The following FLT3LG variants were observed in gnomAD, a reference collection of about 807,000 sequenced individuals.
The protein encoded by FLT3LG is fms related receptor tyrosine kinase 3 ligand, also known as fms-related tyrosine kinase 3 ligand.
In FLT3LG, 8 loss-of-function variants were observed where a neutral mutation model predicts 30.9. The ratio of observed to expected loss-of-function variants is 0.26; its 90% CI spans 0.15 to 0.47. The LOEUF (loss-of-function observed/expected upper bound fraction) is 0.47. FLT3LG is among the 20% of genes least tolerant of loss of function. FLT3LG has a pLI of 0.99. For missense variants in FLT3LG, 278 were observed against 306.2 expected (o/e 0.91, Z 0.69); for synonymous variants, 123 against 135.9 (o/e 0.91, Z 0.66).
In FLT3LG at chr19:49,480,548, A is replaced by G. The variant is rs1444863916; in HGVS notation, c.661-4A>G. 15 of 1,612,738 alleles carry G rather than the reference A, an allele frequency of 9.3e-6. No homozygotes were observed. The highest frequency in any genetic ancestry group is 1.3e-5 in the Non-Finnish European group (15 of 1,179,550). On this transcript the variant is annotated splice_polypyrimidine_tract_variant and splice_region_variant and intron_variant, in intron 7 of 8. Transcript: ENST00000597551. ...ACTTGTGGCTGACACTTTGGGGCCC[A>G]CAGGTGCCCCCCGTCCCCAGTCCCC...
At position 49,476,324 on chromosome 19, in the gene FLT3LG, C is replaced by T; in HGVS notation, c.199-99C>T. On this transcript the variant is annotated intron_variant, in intron 4 of 8. Coordinates refer to ENST00000597551, the MANE Select transcript of FLT3LG (RefSeq NM_001459.4). The surrounding 1 kb of genome is among the most constrained non-coding windows in gnomAD (Gnocchi z 5.3). ...CAGGAATCAGAGTCCTCAGCCCCTC[C>T]TCCCTCAGACCCAGGAGCCCCGGCC... 2.0e-6 allele frequency: 3 copies of T among 1,470,242 alleles called. No homozygotes were observed. Among genetic ancestry groups the T allele is most frequent in the Non-Finnish European group, 1.9e-6 (2 of 1,060,032 alleles). The allele number at this position is 1,470,242 out of a possible 1,614,324, so 91.1% of individuals were successfully genotyped here. A position where few individuals can be genotyped will look rare whatever the true frequency, so the allele number is the denominator to read the frequency against.
chr19:49,474,633 G>C lies in FLT3LG; in HGVS notation c.-7G>C, dbSNP rs371233989. 4.3e-6 allele frequency: 7 copies of C among 1,612,642 alleles called. No homozygotes were observed. The highest frequency in any genetic ancestry group is 5.1e-6 in the Non-Finnish European group (6 of 1,179,718). On this transcript the variant is annotated 5_prime_UTR_variant, in exon 2 of 9. Coordinates refer to ENST00000597551, the MANE Select transcript of FLT3LG (RefSeq NM_001459.4). ...GCGACAGGAGGCATGAGGGGCCCCC[G>C]GCCGAAATGACAGTGCTGGCGCCAG...
intron 8 of FLT3LG, 86 bp downstream of exon 8, chr19:49,480,706 G>C: frequency 7.2e-7 from 1 of 1,394,046 alleles, no homozygotes; most frequent in South Asian, 1.3e-5. Context: ...GTGGTGAGCA[G>C]TGGAGGGGCA....
Position 49,475,683 on chromosome 19 carries a change from C to T in FLT3LG, c.34-8C>T. Reference sequence around the variant, plus strand: ...CAGAGGGCTCCCCCAGCACCCGCTCCCCTGCAGACCTATCTCCTCCTGCTG... The same window carrying T: ...CAGAGGGCTCCCCCAGCACCCGCTCTCCTGCAGACCTATCTCCTCCTGCTG... On this transcript the variant is annotated splice_region_variant and splice_polypyrimidine_tract_variant and intron_variant, in intron 2 of 8. Coordinates refer to ENST00000597551, the MANE Select transcript of FLT3LG (RefSeq NM_001459.4). 6.2e-7 allele frequency: 1 copy of T among 1,603,016 alleles called. No homozygotes were observed. Among genetic ancestry groups the T allele is most frequent in the Non-Finnish European group, 8.5e-7 (1 of 1,179,710 alleles).
At chr19:49,475,564 TG>T (rs2079361559) in intron 2 of FLT3LG, 126 bp from the exon 3 acceptor site, 1 of 1,244,646 alleles carries the variant, frequency 8.0e-7, no homozygotes, top group African/African-American at 1.5e-5. Context: ...CCAGAAAGTG[TG>T]GAAGAGGCAG....
intron 8 of FLT3LG, among the ~76,000 whole-genome samples, chr19:49,485,229 G>A (rs962730809): frequency 1.3e-5 from 2 of 149,218 alleles, no homozygotes; most frequent in East Asian, 2.0e-4. Flanking sequence ...AATAGAGAAC[G>A]TTTCTTTTTC....
chr19:49,484,902 T>G (rs900812512), intron 8 of FLT3LG, among the ~76,000 whole-genome samples: 2 of 152,026 alleles, frequency 1.3e-5, no homozygotes, highest in African/African-American at 4.8e-5. Flanking sequence ...TTGGGCAACA[T>G]GGTGAAACCC....
At position 49,476,151 on chromosome 19, in the gene FLT3LG, T is replaced by C; in HGVS notation, c.151T>C (p.Tyr51His). Residue 51 changes from tyrosine to histidine, a missense_variant, in exon 4 of 9, where the codon TAC (tyrosine) becomes CAC (histidine). By Grantham distance (83) the Tyr-to-His change is moderately conservative. Coordinates refer to ENST00000597551, the MANE Select transcript of FLT3LG (RefSeq NM_001459.4). This position sits in a 1 kb window ranked among gnomAD's most constrained non-coding sequence, Gnocchi z 5.3. ...ATCCTGTTTTCTCCCGCAGTCTGAC[T>C]ACCTGCTTCAAGATTACCCAGTCAC... ...FAVKIRELSD[Y>H]LLQDYPVTVA... is the part of the protein sequence containing the mutation. The C allele has an allele frequency of 1.9e-6, 3 of 1,613,870 alleles. No individual in the cohort carries two copies. The highest frequency in any genetic ancestry group is 2.5e-6 in the Non-Finnish European group (3 of 1,179,986).
Position 49,476,601 on chromosome 19 carries a change from G to A in FLT3LG, c.342+35G>A, listed in dbSNP as rs1221950589. Reference sequence around the variant, plus strand: ...CAACTTAGGGGACAAGTGAGGGGAGGGAGATGCCTTCCTACGAATTAGAAG... The same window carrying A: ...CAACTTAGGGGACAAGTGAGGGGAGAGAGATGCCTTCCTACGAATTAGAAG... On this transcript the variant is annotated intron_variant, in intron 5 of 8. Transcript: ENST00000597551. The surrounding 1 kb of genome is among the most constrained non-coding windows in gnomAD (Gnocchi z 5.3). 10 of 1,612,486 alleles carry A rather than the reference G, an allele frequency of 6.2e-6. No homozygotes were observed. Among genetic ancestry groups the A allele is most frequent in the Admixed American group, 5.0e-5 (3 of 59,442 alleles).
At chr19:49,482,494 G>A (rs2079647558) in intron 8 of FLT3LG, 1 of 152,012 alleles carries the variant, frequency 6.6e-6, no homozygotes, top group South Asian at 2.1e-4. Flanking sequence ...CTGTACAAAA[G>A]GCTCTAATAA....
intron 5 of FLT3LG, among the ~76,000 whole-genome samples, chr19:49,478,283 C>T (rs2079467031): frequency 6.6e-6 from 1 of 151,516 alleles, no homozygotes; most frequent in South Asian, 2.1e-4. Context: ...CTGGCTAACA[C>T]AATGAAACCC....
At chr19:49,474,947 AGG>A in intron 2 of FLT3LG, among the ~76,000 whole-genome samples, 1 of 93,290 alleles carries the variant, frequency 1.1e-5, no homozygotes. Context: ...TGGACAGAGG[AGG>A]GGGAGATGGA....
At chr19:49,484,747 G>A (rs1242273532) in intron 8 of FLT3LG, among the ~76,000 whole-genome samples, 1 of 151,822 alleles carries the variant, frequency 6.6e-6, no homozygotes, top group Admixed American at 6.6e-5. Flanking sequence ...TGCCCGCCTT[G>A]ACCTCCCAAA....
intron 6 of FLT3LG, 96 bp from the exon 7 acceptor site, chr19:49,480,202 C>T (rs2079553373): frequency 2.3e-6 from 2 of 862,854 alleles, no homozygotes; most frequent in Non-Finnish European, 3.6e-6. Flanking sequence ...GCCAAGCAGC[C>T]CATCCAAGGT....
chr19:49,485,972 TAAAC>T (rs1227693238), intron 8 of FLT3LG, 39 bp from the exon 9 acceptor site: 1 of 152,192 alleles, frequency 6.6e-6, no homozygotes, highest in Non-Finnish European at 1.5e-5. Context: ...AGCGGAGCCT[TAAAC>T]AACGCAGTGA....
chr19:49,477,848 C>T (rs1164891185), intron 5 of FLT3LG, among the ~76,000 whole-genome samples: 1 of 151,326 alleles, frequency 6.6e-6, no homozygotes, highest in African/African-American at 2.4e-5. Context: ...GAGTTTGAGA[C>T]CACCCTGGCC....
At chr19:49,475,664 G>A (rs2079366467) in intron 2 of FLT3LG, 27 bp from the exon 3 acceptor site, 2 of 1,598,386 alleles carry the variant, frequency 1.3e-6, no homozygotes, top group Non-Finnish European at 1.7e-6. Context: ...ACAGCAGAGG[G>A]CTCCCCCAGC....
At chr19:49,481,419 G>C (rs1450988512) in intron 8 of FLT3LG, 1 of 152,498 alleles carries the variant, frequency 6.6e-6, no homozygotes, top group Non-Finnish European at 1.5e-5. Context: ...CAGAAAGAGG[G>C]AACTGCCTTT....
chr19:49,482,798 T>C (rs1275354282), intron 8 of FLT3LG, among the ~76,000 whole-genome samples: 1 of 151,862 alleles, frequency 6.6e-6, no homozygotes, highest in African/African-American at 2.4e-5. Context: ...CGGCTAATTT[T>C]TTGTGTTTTT....
Sources: allele counts gnomAD v4.1 joint callset (sites outside exome capture counted in the v4.1 genomes callset), GRCh38; gene constraint gnomAD v4.1.1; non-coding constraint Gnocchi (gnomAD v3.1); transcripts MANE v1.5; gene names NCBI Gene and HGNC (gene_info 2026-07-23, HGNC 2026-07-21).